NREP: variants seen among roughly 807,000 people sequenced by gnomAD.
NREP encodes neuronal regeneration related protein.
A neutral mutation model predicts 8.6 loss-of-function variants in NREP; 5 were observed. The ratio of observed to expected loss-of-function variants is 0.58; its 90% CI spans 0.30 to 1.22. The LOEUF (loss-of-function observed/expected upper bound fraction) is 1.22, where lower values mean the gene tolerates loss of function less well. Among genes scored for constraint, NREP ranks in the 50% most tolerant of loss-of-function variants. The probability of loss-of-function intolerance (pLI) is 0.07; values close to 1 mark genes in which losing one functional copy is unlikely to be tolerated. For synonymous variants in NREP, 27 were observed against 28.0 expected (o/e 0.96, Z 0.11); for missense variants, 86 against 82.5 (o/e 1.04, Z -0.17).
At chr5:111,821,714 T>G (rs979083093) in intron 2 of NREP, among the ~76,000 whole-genome samples, 3 of 152,302 alleles carry the variant, frequency 2.0e-5, no homozygotes, top group African/African-American at 2.4e-5. Context: ...TTTCATGTCC[T>G]TTCTTTCTCC....
At chr5:111,765,601 G>A (rs898768313) in intron 2 of NREP, among the ~76,000 whole-genome samples, 5 of 152,200 alleles carry the variant, frequency 3.3e-5, no homozygotes, top group African/African-American at 7.2e-5. Flanking sequence ...AGTGTAAGCC[G>A]CGGAGCTGGG....
upstream of NREP, chr5:111,758,204 C>G: frequency 1.0e-6 from 1 of 985,560 alleles, no homozygotes; most frequent in South Asian, 4.7e-5. Context: ...GCCCAGAGGT[C>G]CTGTGGCTGC....
At chr5:111,876,838 G>A (rs1311228626) in intron 2 of NREP, among the ~76,000 whole-genome samples, 1 of 152,126 alleles carries the variant, frequency 6.6e-6, no homozygotes, top group African/African-American at 2.4e-5. Flanking sequence ...CTGTGAGGAA[G>A]AAATTATTAC....
At chr5:111,900,623 T>C (rs1439975785) in intron 2 of NREP, among the ~76,000 whole-genome samples, 2 of 152,028 alleles carry the variant, frequency 1.3e-5, no homozygotes, top group Non-Finnish European at 1.5e-5. Flanking sequence ...CCAGGGACTA[T>C]CATGAACAAC....
intron 2 of NREP, among the ~76,000 whole-genome samples, chr5:111,739,983 C>G (rs575509987): frequency 4.0e-5 from 6 of 151,178 alleles, no homozygotes; most frequent in Admixed American, 2.6e-4. Flanking sequence ...CAAATCGTAC[C>G]TTCAACAATT....
chr5:111,908,432 TC>T (rs1238148488), intron 2 of NREP, among the ~76,000 whole-genome samples: 2 of 151,962 alleles, frequency 1.3e-5, no homozygotes, highest in East Asian at 3.9e-4. Context: ...CCACATCTCT[TC>T]CTCCCCACTC....
chr5:111,887,325 C>T (rs1754286053), intron 2 of NREP, among the ~76,000 whole-genome samples: 1 of 152,160 alleles, frequency 6.6e-6, no homozygotes, highest in South Asian at 2.1e-4. Flanking sequence ...CCTCAGTGCA[C>T]ATATGAAGAC....
intron 2 of NREP, among the ~76,000 whole-genome samples, chr5:111,917,040 G>A (rs911924768): frequency 1.3e-5 from 2 of 152,072 alleles, no homozygotes; most frequent in Non-Finnish European, 2.9e-5. Flanking sequence ...CTTTTGACTT[G>A]GGGTTTTATA....
At chr5:111,963,825 T>G (rs1416846668) in intron 2 of NREP, among the ~76,000 whole-genome samples, 1 of 152,134 alleles carries the variant, frequency 6.6e-6, no homozygotes, top group African/African-American at 2.4e-5. Flanking sequence ...AAAATGTGAG[T>G]GGTGATCTTG....
chr5:111,768,838 T>C (rs766894346), intron 2 of NREP, among the ~76,000 whole-genome samples: 1 of 152,228 alleles, frequency 6.6e-6, no homozygotes, highest in Non-Finnish European at 1.5e-5. Context: ...TATATATACC[T>C]GTCTGGTAGA....
intron 2 of NREP, among the ~76,000 whole-genome samples, chr5:111,840,751 C>A (rs978214514): frequency 2.0e-5 from 3 of 152,006 alleles, no homozygotes; most frequent in African/African-American, 7.2e-5. Context: ...TCCTTAACTC[C>A]ACAAGTCAAG....
intron 2 of NREP, among the ~76,000 whole-genome samples, chr5:111,786,293 T>G (rs1375783298): frequency 6.6e-6 from 1 of 152,178 alleles, no homozygotes; most frequent in Non-Finnish European, 1.5e-5. Flanking sequence ...GTAACTTTCA[T>G]GAGGCCTCCC....
intron 2 of NREP, among the ~76,000 whole-genome samples, chr5:111,781,486 A>T (rs2112883515): frequency 6.6e-6 from 1 of 152,304 alleles, no homozygotes; most frequent in South Asian, 2.1e-4. Context: ...GGAGTTTTGC[A>T]GCTGAGAGCC....
intron 2 of NREP, among the ~76,000 whole-genome samples, chr5:111,888,835 G>A (rs1208475736): frequency 1.3e-5 from 2 of 152,176 alleles, no homozygotes; most frequent in Non-Finnish European, 2.9e-5. Context: ...TTTGCCTTCA[G>A]TCTCTCTCGA....
At chr5:111,743,453 A>C (rs563416631) in intron 2 of NREP, among the ~76,000 whole-genome samples, 2 of 152,326 alleles carry the variant, frequency 1.3e-5, no homozygotes, top group South Asian at 4.1e-4. Context: ...CTGAGTTCTA[A>C]GTCTGGCCCA....
At chr5:111,971,487 A>T (rs1023781181) in intron 2 of NREP, among the ~76,000 whole-genome samples, 8 of 152,242 alleles carry the variant, frequency 5.3e-5, no homozygotes, top group African/African-American at 1.7e-4. Flanking sequence ...ACAAAGCTAG[A>T]GTAAACAAAT....
At chr5:111,785,499 T>C (rs748642133) in intron 2 of NREP, among the ~76,000 whole-genome samples, 2 of 152,078 alleles carry the variant, frequency 1.3e-5, no homozygotes, top group Non-Finnish European at 2.9e-5. Flanking sequence ...AGGATGGTCT[T>C]GATCTCCTGG....
intron 3 of NREP, chr5:111,731,719 T>C (rs550184286): frequency 2.6e-5 from 4 of 152,208 alleles, no homozygotes; most frequent in Non-Finnish European, 4.4e-5. Flanking sequence ...CTAGACTGAC[T>C]GGGGCTATTC....
intron 2 of NREP, among the ~76,000 whole-genome samples, chr5:111,796,908 T>C (rs1751884730): frequency 6.6e-6 from 1 of 152,104 alleles, no homozygotes; most frequent in African/African-American, 2.4e-5. Context: ...AGAACCAAAC[T>C]GTATTTAAGG....
Sources: allele counts gnomAD v4.1 joint callset (sites outside exome capture counted in the v4.1 genomes callset), GRCh38; gene constraint gnomAD v4.1.1; transcripts MANE v1.5; gene names NCBI Gene and HGNC (gene_info 2026-07-23, HGNC 2026-07-21).